NGB: variants seen among roughly 807,000 people sequenced by gnomAD.
NGB encodes the protein neuroglobin, also known as nitrite reductase.
A neutral mutation model predicts 17.3 loss-of-function variants in NGB; 12 were observed. That is an observed-to-expected ratio of 0.69 (90% CI 0.45 to 1.13). The LOEUF (loss-of-function observed/expected upper bound fraction) is 1.13, where lower values mean the gene tolerates loss of function less well. NGB is among the 50% of genes most tolerant of loss of function. NGB has a pLI of 0.00. For missense variants in NGB, 195 were observed against 191.7 expected (o/e 1.02, Z -0.10); for synonymous variants, 87 against 81.0 (o/e 1.07, Z -0.40).
At chr14:77,269,477 G>T in intron 1 of NGB, 151 bp from the exon 2 acceptor site, 1 of 588,866 alleles carries the variant, frequency 1.7e-6, no homozygotes, top group South Asian at 1.9e-5. Flanking sequence ...CTGCTCCCCC[G>T]CCAGCTTCGG....
In NGB at chr14:77,270,866, G is replaced by A. The variant is rs1443928910; in HGVS notation, c.72C>T (p.Gly24=). 1.9e-6 allele frequency: 3 copies of A among 1,585,866 alleles called. No individual in the cohort carries two copies. The highest frequency in any genetic ancestry group is 1.1e-5 in the South Asian group (1 of 88,772). ...RAVSRSPLEH[G]TVLFARLFAL... ...GCCCTCACCTGGCAAACAGGACGGTGCCGTGCTCCAGCGGGCTGCGGCTCA... is the reference window on the plus strand; with the variant it reads ...GCCCTCACCTGGCAAACAGGACGGTACCGTGCTCCAGCGGGCTGCGGCTCA... The change falls in exon 1 of 4, where the codon GGC becomes GGT. Residue 24 remains glycine, a synonymous_variant. Coordinates refer to ENST00000298352, the MANE Select transcript of NGB (RefSeq NM_021257.4).
At chr14:77,267,394 A>C (rs945441253) in intron 3 of NGB, among the ~76,000 whole-genome samples, 2 of 152,086 alleles carry the variant, frequency 1.3e-5, no homozygotes, top group Non-Finnish European at 2.9e-5. Flanking sequence ...TACAAAAATT[A>C]GCTGGGCATG....
intron 3 of NGB, among the ~76,000 whole-genome samples, chr14:77,267,719 C>G (rs945160446): frequency 6.6e-6 from 1 of 152,178 alleles, no homozygotes; most frequent in African/African-American, 2.4e-5. Context: ...ACCAACACAG[C>G]TCCTTCCTCA....
intron 1 of NGB, among the ~76,000 whole-genome samples, chr14:77,270,264 C>G (rs895070123): frequency 6.6e-6 from 1 of 151,916 alleles, no homozygotes; most frequent in East Asian, 1.9e-4. Context: ...GGCCTGCACA[C>G]CCCCCACCCC....
intron 1 of NGB, among the ~76,000 whole-genome samples, 160 bp from the exon 2 acceptor site, chr14:77,269,486 G>T (rs556338050): frequency 3.9e-5 from 6 of 152,106 alleles, no homozygotes; most frequent in Admixed American, 6.5e-5. Context: ...CGCCAGCTTC[G>T]GTAGTGCCCT....
chr14:77,269,843 G>A (rs1359305348), intron 1 of NGB, among the ~76,000 whole-genome samples: 1 of 101,798 alleles, frequency 9.8e-6, no homozygotes, highest in Non-Finnish European at 1.8e-5. Flanking sequence ...TACTTTCCGT[G>A]TGGTTAACTT....
At chr14:77,269,645 C>T (rs1007519115) in intron 1 of NGB, among the ~76,000 whole-genome samples, 2 of 146,558 alleles carry the variant, frequency 1.4e-5, no homozygotes, top group Non-Finnish European at 1.5e-5. Flanking sequence ...CCTGGAGTTA[C>T]GTTGTGTGGA....
intron 1 of NGB, among the ~76,000 whole-genome samples, chr14:77,269,751 C>CATTCAT: frequency 5.1e-5 from 1 of 19,536 alleles, no homozygotes; most frequent in Non-Finnish European, 8.8e-5. Context: ...CTCTCTCTCT[C>CATTCAT]TCTCTCTCTC....
rs1889717407 is a variant in NGB at position 77,269,265 on chromosome 14, T to C, written c.151A>G (p.Ser51Gly). 6 of 1,551,892 alleles carry C rather than the reference T, an allele frequency of 3.9e-6. No individual in the cohort carries two copies. The highest frequency in any genetic ancestry group is 4.4e-6 in the Non-Finnish European group (5 of 1,146,996). ...LFQYNCRQFS[S>G]PEDCLSSPEF... ...GGCGAGGAGAGACAGTCCTCTGGGC[T>C]GGAGAACTGGCGGCAGTTGTACTGG... Residue 51 changes from serine to glycine, a missense_variant, in exon 2 of 4, where the codon AGC becomes GGC. By Grantham distance (56) the Ser-to-Gly change is moderately conservative. Coordinates refer to ENST00000298352, the MANE Select transcript of NGB (RefSeq NM_021257.4).
At chr14:77,269,812 C>CGG (rs1889741131) in intron 1 of NGB, among the ~76,000 whole-genome samples, 1 of 97,884 alleles carries the variant, frequency 1.0e-5, no homozygotes, top group Non-Finnish European at 2.3e-5. Context: ...CCCCCCCCCC[C>CGG]CCCCCCCCCC....
chr14:77,269,380 C>A, intron 1 of NGB, 54 bp from the exon 2 acceptor site: 1 of 1,278,526 alleles, frequency 7.8e-7, no homozygotes, highest in Admixed American at 2.0e-5. Context: ...CTGCAAGCCC[C>A]AGCAAGCCTG....
At chr14:77,269,672 C>G (rs970529273) in intron 1 of NGB, among the ~76,000 whole-genome samples, 93 of 1,494 alleles carry the variant, frequency 0.062, no homozygotes, top group Non-Finnish European at 0.11. Context: ...AGCCCTTTCT[C>G]TCTCTCTCTC....
At chr14:77,266,801 T>C in intron 3 of NGB, 131 bp from the exon 4 acceptor site, 1 of 998,194 alleles carries the variant, frequency 1.0e-6, no homozygotes, top group East Asian at 2.7e-5. Flanking sequence ...ATTGAGTCCA[T>C]GCTTCCTGAG....
chr14:77,269,630 G>C (rs889206297), intron 1 of NGB, among the ~76,000 whole-genome samples: 2 of 150,784 alleles, frequency 1.3e-5, no homozygotes, highest in Non-Finnish European at 3.0e-5. Flanking sequence ...TCCCCAAACA[G>C]GAAACCTGGA....
At chr14:77,269,580 C>T (rs1018984182) in intron 1 of NGB, among the ~76,000 whole-genome samples, 3 of 151,974 alleles carry the variant, frequency 2.0e-5, no homozygotes, top group Non-Finnish European at 2.9e-5. Context: ...AGGGGTCCCT[C>T]GGTGAATAGC....
At position 77,266,567 on chromosome 14, in the gene NGB, T is replaced by G; in HGVS notation, c.425A>C (p.Gln142Pro). 1 of 1,614,072 alleles carries G rather than the reference T, an allele frequency of 6.2e-7. No homozygotes were observed. Among genetic ancestry groups the G allele is most frequent in the Non-Finnish European group, 8.5e-7 (1 of 1,179,982 alleles). The change falls in exon 4 of 4, where the codon CAG becomes CCG. Residue 142 changes from glutamine (Q) to proline (P), a missense_variant. Transcript: ENST00000298352. Reference protein sequence around the residue: ...AWSQLYGAVVQAMSRGWDGE With the variant: ...AWSQLYGAVVPAMSRGWDGE ...GCCATCCCAGCCTCGACTCATGGCC[T>G]GCACTACGGCCCCGTAGAGTTGGCT...
At chr14:77,266,842 A>G (rs1346564263) in intron 3 of NGB, among the ~76,000 whole-genome samples, 172 bp from the exon 4 acceptor site, 1 of 152,068 alleles carries the variant, frequency 6.6e-6, no homozygotes, top group Non-Finnish European at 1.5e-5. Flanking sequence ...TGGGTATCAC[A>G]TTGTGTCTAC....
chr14:77,270,836 G>C lies in NGB; in HGVS notation c.89+13C>G, dbSNP rs1049269155. The C allele has an allele frequency of 6.4e-7, 1 of 1,565,216 alleles. No homozygotes were observed. The highest frequency in any genetic ancestry group is 1.7e-4 in the Middle Eastern group (1 of 5,994). ...CCTCCACCCGCATCCCCGGGCGCTC[G>C]TGTAGCCCTCACCTGGCAAACAGGA... On this transcript the variant is annotated intron_variant, in intron 1 of 3. Transcript: ENST00000298352.
chr14:77,271,048 C>T lies in NGB; in HGVS notation c.-111G>A. 1.4e-6 allele frequency: 1 copy of T among 736,762 alleles called. No individual in the cohort carries two copies. Among genetic ancestry groups the T allele is most frequent in the Non-Finnish European group, 2.0e-6 (1 of 494,964 alleles). 45.6% of individuals were successfully genotyped at this position (736,762 alleles called of 1,614,324 possible). A position where few individuals can be genotyped will look rare whatever the true frequency, so the allele number is the denominator to read the frequency against. ...CGCGGTCCCCTCCGCCCCTCGTACG[C>T]CCCCCGTGCCTCCGCCCGGCGGGGG... On this transcript the variant is annotated 5_prime_UTR_variant, in exon 1 of 4. Coordinates refer to ENST00000298352, the MANE Select transcript of NGB (RefSeq NM_021257.4).
Sources: gnomAD v4.1 joint callset for allele counts (sites outside exome capture counted in the v4.1 genomes callset) on GRCh38, gnomAD v4.1.1 for gene constraint, MANE v1.5 for transcripts, NCBI Gene and HGNC (gene_info 2026-07-23, HGNC 2026-07-21) for gene names.